The following NR3C2 variants were observed in gnomAD, a reference collection of about 807,000 sequenced individuals.
The protein encoded by NR3C2 is mineralocorticoid receptor.
In NR3C2, 15 loss-of-function variants were observed where a neutral mutation model predicts 86.4. That is an observed-to-expected ratio of 0.17 (90% confidence interval 0.12 to 0.27). The LOEUF is 0.27. NR3C2 is among the 10% of genes least tolerant of loss of function. The pLI, the probability that NR3C2 is intolerant of heterozygous loss-of-function variation, is 1.00. For synonymous variants in NR3C2, 458 were observed against 450.5 expected, an observed-to-expected ratio of 1.02 and a Z score of -0.21; for missense variants, 960 against 1,195.6, an observed-to-expected ratio of 0.80 and a Z score of 2.91.
chr4:148,259,378 C>T (rs1296832188), intron 3 of NR3C2, among the ~76,000 whole-genome samples: 6 of 152,236 alleles, frequency 3.9e-5, no homozygotes, highest in South Asian at 2.1e-4. Flanking sequence ...TTAAGGAGTA[C>T]GATTTTGGGG....
chr4:148,081,383 C>T lies in NR3C2; in HGVS notation c.2916G>A (p.Glu972=), dbSNP rs543924177. ...EIISDQLPKV[E]SGNAKPLYFH... The stretch of plus-strand genomic sequence containing the variant: ...AGTAGAGCGGCTTGGCGTTCCCCGA[C>T]TCCACCTTGGGCAGCTGGTCGCTGA... Residue 972 remains glutamate, a synonymous_variant, in exon 9 of 9, where the codon GAG becomes GAA. Coordinates refer to ENST00000358102, the MANE Select transcript of NR3C2 (RefSeq NM_000901.5). The T allele has an allele frequency of 3.5e-5, 56 of 1,614,204 alleles. No homozygotes were observed. The South Asian group carries it at 5.7e-4, about 16-fold the overall frequency.
At chr4:148,229,795 A>G (rs1008933971) in intron 3 of NR3C2, among the ~76,000 whole-genome samples, 1 of 152,208 alleles carries the variant, frequency 6.6e-6, no homozygotes, top group African/African-American at 2.4e-5. Flanking sequence ...TAAGCAGCTT[A>G]AAGTTAAAGG....
rs1347143431 is a variant in NR3C2, at chr4:148,442,211, A to C, written c.-54T>G. The C allele has an allele frequency of 1.3e-5, 2 of 152,726 alleles. No homozygotes were observed. Among genetic ancestry groups the C allele is most frequent in the African/African-American group, 4.8e-5 (2 of 41,412 alleles). The allele number at this position is 152,726 out of a possible 1,614,324, so 9.5% of individuals were successfully genotyped here. A position where few individuals can be genotyped will look rare whatever the true frequency, so the allele number is the denominator to read the frequency against. Reference sequence around the variant, plus strand: ...CCGTCTACCTGTTGCAGCGCTTGCCACCGCCACGAAACCCCTGCTGCGGAG... The same window carrying C: ...CCGTCTACCTGTTGCAGCGCTTGCCCCCGCCACGAAACCCCTGCTGCGGAG... On this transcript the variant is annotated 5_prime_UTR_variant, in exon 1 of 9. Transcript: ENST00000358102.
At chr4:148,379,856 T>G (rs1264399061) in intron 2 of NR3C2, among the ~76,000 whole-genome samples, 1 of 147,140 alleles carries the variant, frequency 6.8e-6, no homozygotes, top group Middle Eastern at 3.5e-3. Context: ...TAAGTCCATA[T>G]TTCAGTTTCA....
intron 3 of NR3C2, among the ~76,000 whole-genome samples, chr4:148,226,477 T>C (rs62332028): frequency 0.1 from 15,251 of 152,208 alleles, 1,039 homozygotes; most frequent in South Asian, 0.24. Flanking sequence ...TATATGCATA[T>C]ACATAGTTTA....
intron 4 of NR3C2, among the ~76,000 whole-genome samples, chr4:148,163,406 T>A (rs914920661): frequency 2.0e-5 from 3 of 152,180 alleles, no homozygotes; most frequent in African/African-American, 7.2e-5. Flanking sequence ...CTCATACTTT[T>A]CTGAAAAACA....
At chr4:148,407,373 G>A (rs1044347139) in intron 2 of NR3C2, among the ~76,000 whole-genome samples, 4 of 152,158 alleles carry the variant, frequency 2.6e-5, no homozygotes, top group East Asian at 1.9e-4. Context: ...GTCAATGGCC[G>A]TAAGTGGTTT....
chr4:148,435,056 A>C, intron 2 of NR3C2, 48 bp downstream of exon 2: 1 of 1,555,478 alleles, frequency 6.4e-7, no homozygotes, highest in Non-Finnish European at 8.9e-7. Context: ...CTAACCTTCA[A>C]CATGTATAAA....
intron 6 of NR3C2, among the ~76,000 whole-genome samples, chr4:148,150,370 C>T (rs910528069): frequency 6.6e-6 from 1 of 152,120 alleles, no homozygotes; most frequent in Non-Finnish European, 1.5e-5. Context: ...AGTTTGTTAA[C>T]ATTGAACTAT....
intron 4 of NR3C2, among the ~76,000 whole-genome samples, chr4:148,188,668 T>C (rs1201714844): frequency 6.6e-6 from 1 of 152,118 alleles, no homozygotes; most frequent in Non-Finnish European, 1.5e-5. Context: ...AACGATCATA[T>C]CATCAGCAAA....
intron 3 of NR3C2, among the ~76,000 whole-genome samples, chr4:148,216,034 C>T (rs367855571): frequency 1.3e-4 from 20 of 152,134 alleles, no homozygotes; most frequent in South Asian, 8.3e-4. Flanking sequence ...GTGATTCAAC[C>T]GCCTTGGCCT....
chr4:148,381,975 T>A (rs1486331531), intron 2 of NR3C2, among the ~76,000 whole-genome samples: 1 of 152,100 alleles, frequency 6.6e-6, no homozygotes, highest in African/African-American at 2.4e-5. Flanking sequence ...CCAATACAAA[T>A]CTCCTATTTT....
At chr4:148,389,225 C>A (rs1747417989) in intron 2 of NR3C2, among the ~76,000 whole-genome samples, 1 of 151,960 alleles carries the variant, frequency 6.6e-6, no homozygotes, top group Non-Finnish European at 1.5e-5. Context: ...CCTGGTCAGG[C>A]CTTGCAGAAA....
intron 3 of NR3C2, among the ~76,000 whole-genome samples, chr4:148,247,155 A>G (rs1376190265): frequency 1.3e-5 from 2 of 152,196 alleles, no homozygotes; most frequent in Non-Finnish European, 2.9e-5. Flanking sequence ...ACATACTTTC[A>G]TGTTACTTTT....
chr4:148,397,013 C>G (rs1368769347), intron 2 of NR3C2, among the ~76,000 whole-genome samples: 2 of 151,974 alleles, frequency 1.3e-5, no homozygotes, highest in East Asian at 3.9e-4. Context: ...TACAAATGTT[C>G]TCTGGAAAAA....
chr4:148,355,146 T>C (rs1561059967), intron 2 of NR3C2, among the ~76,000 whole-genome samples: 1 of 152,146 alleles, frequency 6.6e-6, no homozygotes, highest in Non-Finnish European at 1.5e-5. Context: ...TGTTCTATAG[T>C]AAAGATTCTT....
At chr4:148,085,658 T>C (rs952594032) in intron 8 of NR3C2, among the ~76,000 whole-genome samples, 4 of 151,886 alleles carry the variant, frequency 2.6e-5, no homozygotes, top group South Asian at 2.1e-4. Context: ...CTGAAGGAGA[T>C]AGGGACATGA....
At chr4:148,364,748 C>G (rs1008640079) in intron 2 of NR3C2, among the ~76,000 whole-genome samples, 1 of 151,724 alleles carries the variant, frequency 6.6e-6, no homozygotes, top group Admixed American at 6.6e-5. Flanking sequence ...CAAGGTCACA[C>G]AGTGAGATGA....
intron 2 of NR3C2, among the ~76,000 whole-genome samples, chr4:148,355,400 G>A (rs1745502685): frequency 6.6e-6 from 1 of 152,164 alleles, no homozygotes; most frequent in Non-Finnish European, 1.5e-5. Flanking sequence ...TCTTTGCTCA[G>A]TCTCTCTTTT....
Sources: gnomAD v4.1 joint callset for allele counts (sites outside exome capture counted in the v4.1 genomes callset) on GRCh38, gnomAD v4.1.1 for gene constraint, MANE v1.5 for transcripts, NCBI Gene and HGNC (gene_info 2026-07-23, HGNC 2026-07-21) for gene names.